SH3KBP1: variants seen among roughly 807,000 people sequenced by gnomAD.
SH3KBP1 encodes the protein SH3 domain containing kinase binding protein 1.
A neutral mutation model predicts 50.1 loss-of-function variants in SH3KBP1; 8 were observed. The observed-to-expected ratio is 0.16, with a 90% CI of 0.09 to 0.29. The LOEUF (loss-of-function observed/expected upper bound fraction) is 0.29, where lower values mean the gene tolerates loss of function less well. SH3KBP1 is among the 10% of genes least tolerant of loss of function. SH3KBP1 has a pLI of 1.00. For missense variants in SH3KBP1, 377 were observed against 535.2 expected (o/e 0.70, Z 2.92); for synonymous variants, 227 against 218.6 (o/e 1.04, Z -0.34).
chrX:19,774,995 G>A (rs1242515431), intron 2 of SH3KBP1, among the ~76,000 whole-genome samples: 1 of 110,954 alleles, frequency 9.0e-6, no homozygotes, highest in African/African-American at 3.3e-5. Context: ...CCTCCCCCAA[G>A]CCCTCTCTGT....
Position 19,795,228 on chromosome X carries a change from T to C in SH3KBP1, c.162+40897A>G, listed in dbSNP as rs1013148194. ...GCTTTAGCTTGCTTTTGCATGGAGA[T>C]GCATCTGTATCTTTTGCCAAGAATT... On this transcript the variant is annotated intron_variant, in intron 2 of 17. Coordinates refer to ENST00000397821, the MANE Select transcript of SH3KBP1 (RefSeq NM_031892.3). Among the ~76,000 whole-genome samples the C allele has an allele frequency of 1.8e-5, 2 of 111,844 alleles. 1 individual carries two copies.
At chrX:19,626,855 C>T (rs1254720975) in intron 8 of SH3KBP1, among the ~76,000 whole-genome samples, 6 of 109,988 alleles carry the variant, frequency 5.5e-5, no homozygotes, top group Non-Finnish European at 1.1e-4. Context: ...AGACGGGAGC[C>T]ACTGAGCCCG....
chrX:19,718,763 G>A (rs1232175031), intron 3 of SH3KBP1, among the ~76,000 whole-genome samples: 1 of 111,560 alleles, frequency 9.0e-6, no homozygotes, highest in Admixed American at 9.5e-5. Flanking sequence ...AACTGGTTGT[G>A]GCTGGTCTAC....
Position 19,534,783 on chromosome X carries a change from G to A in SH3KBP1, c.*1634C>T, listed in dbSNP as rs762275542. The A allele has an allele frequency of 2.8e-4, 83 of 294,937 alleles. 1 individual carries two copies. Among genetic ancestry groups the A allele is most frequent in the African/African-American group, 1.7e-3 (63 of 36,294 alleles). The allele number at this position is 294,937 out of a possible 1,213,427, so 24.3% of individuals were successfully genotyped here. ...AGGTGTTTGGGCTCCTTAAATACTC[G>A]GAGGGAAATAACAGCCTCAAGTAGC... On this transcript the variant is annotated 3_prime_UTR_variant, in exon 18 of 18. Transcript: ENST00000397821.
intron 3 of SH3KBP1, among the ~76,000 whole-genome samples, chrX:19,710,436 C>T (rs2063749436): frequency 8.9e-6 from 1 of 111,733 alleles, no homozygotes; most frequent in South Asian, 3.7e-4. Context: ...CGTCACAATG[C>T]CCACATCATT....
intron 6 of SH3KBP1, among the ~76,000 whole-genome samples, chrX:19,653,196 G>T (rs969064963): frequency 1.1e-4 from 12 of 111,383 alleles, no homozygotes; most frequent in African/African-American, 3.9e-4. Context: ...ATGTTGCCCA[G>T]GCTGGTCTCA....
intron 13 of SH3KBP1, among the ~76,000 whole-genome samples, chrX:19,563,721 T>G (rs1364478074): frequency 8.9e-6 from 1 of 112,198 alleles, no homozygotes; most frequent in Admixed American, 9.4e-5. Context: ...GCCCGTCATA[T>G]GCAGACTTGA....
chrX:19,844,972 C>T (rs755920149), intron 1 of SH3KBP1, among the ~76,000 whole-genome samples: 6 of 110,366 alleles, frequency 5.4e-5, no homozygotes, highest in South Asian at 7.7e-4. Flanking sequence ...CCCAGCTACT[C>T]GGGAGGCTAA....
chrX:19,591,949 C>T, intron 11 of SH3KBP1, 118 bp downstream of exon 11: 1 of 584,987 alleles, frequency 1.7e-6, no homozygotes, highest in Non-Finnish European at 2.9e-6. Context: ...CAAAACAAAA[C>T]CATGATCACC....
intron 6 of SH3KBP1, chrX:19,670,932 C>T: frequency 8.7e-7 from 1 of 1,153,931 alleles, no homozygotes; most frequent in South Asian, 2.0e-5. Context: ...CTGGAATCCT[C>T]CCACTTCCTT....
chrX:19,679,415 T>C (rs1008413823), intron 6 of SH3KBP1, among the ~76,000 whole-genome samples: 4 of 111,537 alleles, frequency 3.6e-5, no homozygotes, highest in Non-Finnish European at 7.5e-5. Context: ...TAAAAAAAAG[T>C]ATTCCCATTT....
At chrX:19,661,951 T>C (rs2062470047) in intron 6 of SH3KBP1, among the ~76,000 whole-genome samples, 1 of 111,290 alleles carries the variant, frequency 9.0e-6, no homozygotes, top group Non-Finnish European at 1.9e-5. Context: ...TCTAAGAAAA[T>C]AGCATACACT....
chrX:19,551,601 G>A (rs997167591), intron 13 of SH3KBP1, among the ~76,000 whole-genome samples: 4 of 100,818 alleles, frequency 4.0e-5, no homozygotes, highest in Admixed American at 2.1e-4. Context: ...CTGGAGGGCA[G>A]TGGCACAATC....
At chrX:19,622,742 A>G (rs1046846299) in intron 8 of SH3KBP1, among the ~76,000 whole-genome samples, 1 of 112,452 alleles carries the variant, frequency 8.9e-6, no homozygotes, top group African/African-American at 3.2e-5. Context: ...CAAGCTAAGC[A>G]TAAAAGAGGA....
intron 1 of SH3KBP1, among the ~76,000 whole-genome samples, chrX:19,841,744 GTTCC>G (rs1382213166): frequency 8.2e-5 from 9 of 109,349 alleles, no homozygotes; most frequent in African/African-American, 3.0e-4. Context: ...GGCCTAGAAG[GTTCC>G]ATGACTTAGG....
intron 7 of SH3KBP1, among the ~76,000 whole-genome samples, chrX:19,644,365 A>T (rs2061941767): frequency 1.8e-5 from 2 of 111,937 alleles, no homozygotes; most frequent in Non-Finnish European, 3.8e-5. Context: ...GTGTAACTGG[A>T]TTGTTTGTAA....
intron 7 of SH3KBP1, among the ~76,000 whole-genome samples, chrX:19,637,505 G>A (rs913187407): frequency 1.3e-4 from 15 of 111,721 alleles, no homozygotes; most frequent in East Asian, 8.4e-4. Flanking sequence ...TATCTGAAAC[G>A]GGACAATCAC....
At chrX:19,721,364 G>A (rs1216052510) in intron 3 of SH3KBP1, among the ~76,000 whole-genome samples, 1 of 111,390 alleles carries the variant, frequency 9.0e-6, no homozygotes, top group Non-Finnish European at 1.9e-5. Flanking sequence ...CAGCATCTAT[G>A]AAATTTATTT....
intron 2 of SH3KBP1, chrX:19,799,683 A>G: frequency 8.3e-7 from 1 of 1,210,390 alleles, no homozygotes; most frequent in Non-Finnish European, 1.1e-6. Context: ...TGAAACCTCC[A>G]TTCTGTGAAG....
Sources: allele counts gnomAD v4.1 joint callset (sites outside exome capture counted in the v4.1 genomes callset), GRCh38; gene constraint gnomAD v4.1.1; transcripts MANE v1.5; gene names NCBI Gene and HGNC (gene_info 2026-07-23, HGNC 2026-07-21).